GPATCH8: variants seen among roughly 807,000 people sequenced by gnomAD.
GPATCH8 encodes the protein G-patch domain containing 8, also known as G patch domain-containing protein 8.
A neutral mutation model predicts 118.3 loss-of-function variants in GPATCH8; 18 were observed. The observed-to-expected ratio is 0.15, with a 90% CI of 0.11 to 0.23. GPATCH8 has a LOEUF of 0.23. Among genes scored for constraint, GPATCH8 ranks in the 10% least tolerant of loss-of-function variants. The pLI is 1.00. For missense variants in GPATCH8, 1,631 were observed against 1,873.8 expected, an observed-to-expected ratio of 0.87 and a Z score of 2.39; for synonymous variants, 659 against 684.7, an observed-to-expected ratio of 0.96 and a Z score of 0.59.
intron 1 of GPATCH8, among the ~76,000 whole-genome samples, chr17:44,480,583 G>A (rs1019883503): frequency 2.0e-5 from 3 of 152,128 alleles, no homozygotes; most frequent in African/African-American, 7.2e-5. Context: ...AGCCAGGCGT[G>A]GTGGCTCATG....
At chr17:44,477,512 C>T (rs1356511493) in intron 1 of GPATCH8, among the ~76,000 whole-genome samples, 1 of 151,898 alleles carries the variant, frequency 6.6e-6, no homozygotes, top group East Asian at 1.9e-4. Context: ...GAACTACAGG[C>T]GCCACACCAG....
Position 44,398,672 on chromosome 17 carries a change from G to A in GPATCH8, c.3405C>T (p.Leu1135=), listed in dbSNP as rs574188076. Residue 1135 remains leucine (L), a synonymous_variant, in exon 8 of 8, where the codon CTC becomes CTT. Transcript: ENST00000591680. ...CAGGCTTATTGCCAAGAGATGGGGG[G>A]AGCTTGGGCCCAAAGTAACCTTGTG... is the stretch of plus-strand genomic sequence containing the variant. The part of the protein sequence containing the change: ...DPPQGYFGPK[L]PPSLGNKPVL... 3.2e-6 allele frequency: 5 copies of A among 1,571,062 alleles called. No homozygotes were observed. Among genetic ancestry groups the A allele is most frequent in the East Asian group, 2.2e-5 (1 of 44,544 alleles).
chr17:44,401,333 G>A lies in GPATCH8; in HGVS notation c.744C>T (p.Gly248=), dbSNP rs1441491028. ...NSGTGATASC[G]LGSEFSTDKG... ...TATCTGTGGAGAATTCAGATCCCAG[G>A]CCACAAGAAGCAGTGGCACCTGTGC... The change falls in exon 8 of 8, where the codon GGC becomes GGT. Residue 248 remains glycine (G), a synonymous_variant. Transcript: ENST00000591680. The A allele has an allele frequency of 2.5e-6, 4 of 1,610,522 alleles. No individual in the cohort carries two copies. Among genetic ancestry groups the A allele is most frequent in the Non-Finnish European group, 3.4e-6 (4 of 1,178,154 alleles).
chr17:44,399,013 G>C lies in GPATCH8; in HGVS notation c.3064C>G (p.Arg1022Gly), dbSNP rs753448605. Residue 1022 changes from arginine (R) to glycine (G), a missense_variant, in exon 8 of 8, where the codon CGT (arginine) becomes GGT (glycine). This residue lies in a region of GPATCH8 where 922 missense variants were observed against 879.7 expected (regional missense o/e 1.05). Coordinates refer to ENST00000591680, the MANE Select transcript of GPATCH8 (RefSeq NM_001002909.4). Reference protein sequence around the residue: ...HESPEERHSGRRDFIRSKIYR... With the variant: ...HESPEERHSGGRDFIRSKIYR... Reference sequence around the variant, plus strand: ...ATCTTAGAACGAATGAAGTCCCGACGCCCAGAATGCCTCTCCTCAGGGCTC... The same window carrying C: ...ATCTTAGAACGAATGAAGTCCCGACCCCCAGAATGCCTCTCCTCAGGGCTC... The C allele has an allele frequency of 8.1e-6, 13 of 1,613,714 alleles. No individual in the cohort carries two copies. The African/African-American group carries it at 1.7e-4, about 22-fold the overall frequency.
chr17:44,500,069 T>A (rs1293137027), intron 1 of GPATCH8, among the ~76,000 whole-genome samples: 3 of 152,168 alleles, frequency 2.0e-5, no homozygotes, highest in Admixed American at 6.5e-5. Context: ...AAATAAAAAC[T>A]GGAACTGTAT....
intron 3 of GPATCH8, among the ~76,000 whole-genome samples, chr17:44,448,241 AATT>A (rs1044174043): frequency 6.6e-6 from 1 of 152,160 alleles, no homozygotes; most frequent in African/African-American, 2.4e-5. Context: ...AGATGGAGAA[AATT>A]ATTATCTATG....
chr17:44,417,451 T>C (rs919229002), intron 6 of GPATCH8, among the ~76,000 whole-genome samples: 1 of 152,158 alleles, frequency 6.6e-6, no homozygotes, highest in African/African-American at 2.4e-5. Context: ...ACTTTTGGGC[T>C]CAAGTGATCT....
chr17:44,447,868 T>A (rs2050944778), intron 3 of GPATCH8, among the ~76,000 whole-genome samples: 1 of 152,188 alleles, frequency 6.6e-6, no homozygotes, highest in African/African-American at 2.4e-5. Context: ...AAACTTTAAA[T>A]CACTATGCAG....
At chr17:44,449,594 G>A (rs1042154062) in intron 3 of GPATCH8, among the ~76,000 whole-genome samples, 34 of 149,428 alleles carry the variant, frequency 2.3e-4, no homozygotes, top group African/African-American at 7.4e-4. Flanking sequence ...TTGGCTCACC[G>A]CAACCTCCGC....
chr17:44,467,075 G>T, intron 2 of GPATCH8: 1 of 1,201,910 alleles, frequency 8.3e-7, no homozygotes, highest in Non-Finnish European at 1.1e-6. Context: ...TGCAAGTGGA[G>T]TGAAAGCATT....
chr17:44,425,279 C>A (rs2050050033), intron 5 of GPATCH8, among the ~76,000 whole-genome samples: 1 of 152,160 alleles, frequency 6.6e-6, no homozygotes, highest in African/African-American at 2.4e-5. Context: ...ATGAGCAACT[C>A]CTTCTAGCAG....
At chr17:44,426,295 T>C (rs2050086602) in intron 5 of GPATCH8, among the ~76,000 whole-genome samples, 1 of 152,158 alleles carries the variant, frequency 6.6e-6, no homozygotes, top group Non-Finnish European at 1.5e-5. Context: ...TTCTGCCCAA[T>C]TGCGGCAGAT....
intron 3 of GPATCH8, among the ~76,000 whole-genome samples, chr17:44,462,941 G>A (rs1050589409): frequency 2.0e-5 from 3 of 151,800 alleles, no homozygotes; most frequent in Admixed American, 6.6e-5. Context: ...AGATCGCGCC[G>A]CTGCACTCTA....
In GPATCH8 at chr17:44,395,443, G is replaced by A. The variant is rs1193910825; in HGVS notation, c.*2125C>T. ...CACTATTCTGGAAGTTAAAGAAAAT[G>A]CCCCTAGGAAGGCAAAGAGGCAGCC... On this transcript the variant is annotated 3_prime_UTR_variant, in exon 8 of 8. Coordinates refer to ENST00000591680, the MANE Select transcript of GPATCH8 (RefSeq NM_001002909.4). 2.2e-6 allele frequency: 1 copy of A among 454,216 alleles called. No individual in the cohort carries two copies. The highest frequency in any genetic ancestry group is 2.0e-5 in the African/African-American group (1 of 49,988). The allele number at this position is 454,216 out of a possible 1,614,324, so 28.1% of individuals were successfully genotyped here. A position where few individuals can be genotyped will look rare whatever the true frequency, so the allele number is the denominator to read the frequency against.
Position 44,399,125 on chromosome 17 carries a change from C to T in GPATCH8, c.2952G>A (p.Arg984=). Residue 984 remains arginine (R), a synonymous_variant, in exon 8 of 8, where the codon CGG becomes CGA. Transcript: ENST00000591680. ...TGCGGTCCCGGCTATAGCTCCGGCTCCGTTGCCAGCTGTGGGCTGTGGTGC... is the reference window on the plus strand; with the variant it reads ...TGCGGTCCCGGCTATAGCTCCGGCTTCGTTGCCAGCTGTGGGCTGTGGTGC... ...SRSTTAHSWQ[R]SRSYSRDRSR... is the part of the protein sequence containing the mutation. 9.9e-6 allele frequency: 16 copies of T among 1,611,406 alleles called. No individual in the cohort carries two copies. The highest frequency in any genetic ancestry group is 1.3e-5 in the African/African-American group (1 of 74,878).
At position 44,400,273 on chromosome 17, in the gene GPATCH8, G is replaced by T; in HGVS notation, c.1804C>A (p.His602Asn). ...TCACCAGGATCTAGGCCTTGGAGAT[G>T]GTCCTTTGAGGAGCTTCCTATATCC... ...PKDIGSSSKD[H>N]LQGLDPGEPN... is the part of the protein sequence containing the mutation. Residue 602 changes from histidine to asparagine, a missense_variant, in exon 8 of 8, where the codon CAT (histidine) becomes AAT (asparagine). Physicochemically the swap from His to Asn is moderately conservative, Grantham distance 68. Transcript: ENST00000591680. 1.2e-6 allele frequency: 2 copies of T among 1,613,910 alleles called. No individual in the cohort carries two copies. The highest frequency in any genetic ancestry group is 1.7e-6 in the Non-Finnish European group (2 of 1,179,836).
chr17:44,474,740 A>C (rs1272275695), intron 2 of GPATCH8, 89 bp downstream of exon 2: 1 of 746,168 alleles, frequency 1.3e-6, no homozygotes, highest in East Asian at 2.5e-5. Flanking sequence ...ATTGGTTATT[A>C]ATAAGTTTAA....
At chr17:44,461,977 G>C (rs1307160777) in intron 3 of GPATCH8, among the ~76,000 whole-genome samples, 2 of 152,044 alleles carry the variant, frequency 1.3e-5, no homozygotes, top group African/African-American at 4.8e-5. Context: ...TGAGGTTACA[G>C]GCATAAGCCA....
At chr17:44,471,326 T>C (rs1008564907) in intron 2 of GPATCH8, among the ~76,000 whole-genome samples, 1 of 152,220 alleles carries the variant, frequency 6.6e-6, no homozygotes, top group Non-Finnish European at 1.5e-5. Context: ...GCATAATACA[T>C]TATTGCATCT....
Sources: allele counts gnomAD v4.1 joint callset (sites outside exome capture counted in the v4.1 genomes callset), GRCh38; gene constraint gnomAD v4.1.1; regional missense constraint gnomAD v4.1.1; transcripts MANE v1.5; gene names NCBI Gene and HGNC (gene_info 2026-07-23, HGNC 2026-07-21).